Variants in RANBP2 observed in about 807,000 individuals in gnomAD.
RANBP2 encodes E3 SUMO-protein ligase RanBP2.
RANBP2 carries 57 observed loss-of-function variants against 303.6 expected under a neutral mutation model. That is an observed-to-expected ratio of 0.19 (90% CI 0.15 to 0.23). RANBP2 has a LOEUF of 0.23. RANBP2 is among the 10% of genes least tolerant of loss of function. RANBP2 has a pLI of 1.00. For missense variants in RANBP2, 3,138 were observed against 3,780.8 expected, an observed-to-expected ratio of 0.83 and a Z score of 4.46; for synonymous variants, 1,167 against 1,301.5, an observed-to-expected ratio of 0.90 and a Z score of 2.23.
the RANBP2 span, among the ~76,000 whole-genome samples, chr2:109,709,413 TCC>T: frequency 6.6e-6 from 1 of 152,056 alleles, no homozygotes; most frequent in African/African-American, 2.4e-5. Context: ...TGCTGCCTGC[TCC>T]TGGGAAGCAA....
At chr2:109,025,653 C>T in the RANBP2 span, among the ~76,000 whole-genome samples, 1 of 151,896 alleles carries the variant, frequency 6.6e-6, no homozygotes, top group East Asian at 1.9e-4. Flanking sequence ...TAAAAATTAG[C>T]CGGTTGTGGT....
the RANBP2 span, among the ~76,000 whole-genome samples, chr2:108,933,443 C>T: frequency 2.6e-5 from 4 of 152,142 alleles, no homozygotes; most frequent in Non-Finnish European, 2.9e-5. Context: ...AGAGGACAGA[C>T]CTGACTGGGG....
the RANBP2 span, among the ~76,000 whole-genome samples, chr2:109,683,638 C>A: frequency 2.6e-5 from 4 of 152,112 alleles, no homozygotes; most frequent in Non-Finnish European, 4.4e-5. Flanking sequence ...ACTGCTCCAC[C>A]GAGCGCTGGA....
At chr2:109,116,744 T>A in the RANBP2 span, among the ~76,000 whole-genome samples, 2 of 152,242 alleles carry the variant, frequency 1.3e-5, no homozygotes, top group Non-Finnish European at 2.9e-5. Flanking sequence ...GCTCTGTTTT[T>A]TCCCCATCTT....
the RANBP2 span, among the ~76,000 whole-genome samples, chr2:108,825,440 A>C: frequency 6.4e-4 from 97 of 152,084 alleles, 1 homozygote; most frequent in East Asian, 5.0e-3. Flanking sequence ...CCAAAAAAAA[A>C]CCCAACCCAT....
the RANBP2 span, among the ~76,000 whole-genome samples, chr2:109,599,685 T>C: frequency 3.3e-5 from 5 of 152,268 alleles, no homozygotes; most frequent in African/African-American, 1.2e-4. Context: ...TTCTACTTTT[T>C]AGTCTCAAAA....
chr2:109,221,743 C>T, the RANBP2 span, among the ~76,000 whole-genome samples: 1 of 152,062 alleles, frequency 6.6e-6, no homozygotes, highest in Admixed American at 6.5e-5. Flanking sequence ...AGGGAACTCA[C>T]ATATACTATT....
At chr2:108,794,707 C>T in the RANBP2 span, 4 of 1,602,070 alleles carry the variant, frequency 2.5e-6, no homozygotes, top group South Asian at 2.2e-5. Flanking sequence ...ATTTCAGATA[C>T]ATCTGAAATT....
the RANBP2 span, among the ~76,000 whole-genome samples, chr2:109,422,892 C>G: frequency 1.3e-5 from 2 of 152,120 alleles, no homozygotes; most frequent in East Asian, 1.9e-4. Flanking sequence ...CCGAGATGTC[C>G]TGTCATCACC....
chr2:109,322,209 C>T, the RANBP2 span, among the ~76,000 whole-genome samples: 3 of 152,092 alleles, frequency 2.0e-5, no homozygotes, highest in Non-Finnish European at 4.4e-5. Flanking sequence ...TCTGGAATCC[C>T]CCGAATAATC....
At chr2:108,769,558 C>T (rs1388689519) in intron 20 of RANBP2, among the ~76,000 whole-genome samples, 1 of 150,202 alleles carries the variant, frequency 6.7e-6, no homozygotes, top group African/African-American at 2.5e-5. Flanking sequence ...TTGTAATGTA[C>T]TTCATTGCTC....
chr2:109,650,928 C>T, the RANBP2 span, among the ~76,000 whole-genome samples: 46 of 152,166 alleles, frequency 3.0e-4, no homozygotes, highest in African/African-American at 1.0e-3. Flanking sequence ...AGGAAGCTGG[C>T]GGGGGAGTCT....
At chr2:109,369,021 C>CT in the RANBP2 span, among the ~76,000 whole-genome samples, 1 of 152,106 alleles carries the variant, frequency 6.6e-6, no homozygotes, top group Admixed American at 6.6e-5. Flanking sequence ...CAGGGCCCCA[C>CT]TCTAGTGTCC....
At chr2:109,432,548 A>G in the RANBP2 span, 1 of 1,613,660 alleles carries the variant, frequency 6.2e-7, no homozygotes, top group South Asian at 1.1e-5. Context: ...GACGAGCTGG[A>G]GCTGCACAAG....
the RANBP2 span, among the ~76,000 whole-genome samples, chr2:109,641,454 C>G: frequency 6.6e-6 from 1 of 152,152 alleles, no homozygotes; most frequent in Non-Finnish European, 1.5e-5. Flanking sequence ...ACACGGGTGA[C>G]CCTTGAAGAC....
the RANBP2 span, chr2:108,897,265 G>A: frequency 8.9e-6 from 14 of 1,577,374 alleles, no homozygotes; most frequent in Admixed American, 1.7e-5. Context: ...GATGTTGCAA[G>A]TCACAGTCAA....
chr2:109,058,753 G>C, the RANBP2 span, among the ~76,000 whole-genome samples: 2 of 152,302 alleles, frequency 1.3e-5, no homozygotes, highest in South Asian at 4.1e-4. Context: ...ATTGATTGGG[G>C]TGCTGAGAGG....
At chr2:109,074,755 G>A in the RANBP2 span, among the ~76,000 whole-genome samples, 1 of 148,704 alleles carries the variant, frequency 6.7e-6, no homozygotes, top group African/African-American at 2.4e-5. Flanking sequence ...GATTGGCCAG[G>A]TTCATGCCTG....
chr2:109,675,249 G>A, the RANBP2 span, among the ~76,000 whole-genome samples: 7 of 152,168 alleles, frequency 4.6e-5, no homozygotes, highest in East Asian at 1.9e-4. Context: ...GTCTATCACC[G>A]TTATACTCGA....
Sources: allele counts gnomAD v4.1 joint callset (sites outside exome capture counted in the v4.1 genomes callset), GRCh38; gene constraint gnomAD v4.1.1; transcripts MANE v1.5; gene names NCBI Gene and HGNC (gene_info 2026-07-23, HGNC 2026-07-21).